The following GRIN2D variants were observed in gnomAD, a reference collection of about 807,000 sequenced individuals.
GRIN2D encodes the protein glutamate ionotropic receptor NMDA type subunit 2D, also known as glutamate receptor ionotropic, NMDA 2D.
Under a neutral mutation model 103.2 loss-of-function variants are expected in GRIN2D, and 37 were observed. The observed-to-expected ratio is 0.36, with a 90% CI of 0.28 to 0.47. The LOEUF (loss-of-function observed/expected upper bound fraction) is 0.47. GRIN2D is among the 20% of genes least tolerant of loss of function. The probability of loss-of-function intolerance (pLI) is 1.00; values close to 1 mark genes in which losing one functional copy is unlikely to be tolerated. For synonymous variants in GRIN2D, 845 were observed against 885.6 expected, an observed-to-expected ratio of 0.95 and a Z score of 0.81; for missense variants, 1,557 against 1,910.6, an observed-to-expected ratio of 0.81 and a Z score of 3.45.
chr19:48,442,666 C>G lies in GRIN2D; in HGVS notation c.2740C>G (p.Pro914Ala). The change falls in exon 14 of 14, where the codon CCC becomes GCC. Residue 914 changes from proline to alanine, a missense_variant. By Grantham distance (27) the Pro-to-Ala change is conservative. Around this residue, in one of 7 missense-constraint regions of GRIN2D, gnomAD observed 632 missense variants for 572.8 expected, o/e 1.10. Transcript: ENST00000263269. The surrounding 1 kb of genome is among the most constrained non-coding windows in gnomAD (Gnocchi z 7.2). ...PPAKPPPPPQ[P>A]LPSPAYPAPR... ...CGCCAAGCCCCCGCCGCCGCCACAGCCCCTGCCCAGCCCCGCGTACCCCGC... is the reference window on the plus strand; with the variant it reads ...CGCCAAGCCCCCGCCGCCGCCACAGGCCCTGCCCAGCCCCGCGTACCCCGC... 1 of 1,425,566 alleles carries G rather than the reference C, an allele frequency of 7.0e-7. No individual in the cohort carries two copies. Among genetic ancestry groups the G allele is most frequent in the Non-Finnish European group, 9.2e-7 (1 of 1,090,858 alleles). The allele number at this position is 1,425,566 out of a possible 1,614,324, so 88.3% of individuals were successfully genotyped here. A position where few individuals can be genotyped will look rare whatever the true frequency, so the allele number is the denominator to read the frequency against.
intron 11 of GRIN2D, among the ~76,000 whole-genome samples, chr19:48,437,368 C>G (rs1330947932): frequency 6.6e-6 from 1 of 152,192 alleles, no homozygotes. Flanking sequence ...AGTCCTCCTG[C>G]CTCAGCCTCC....
At chr19:48,435,924 C>T (rs1178730305) in intron 11 of GRIN2D, among the ~76,000 whole-genome samples, 2 of 152,170 alleles carry the variant, frequency 1.3e-5, no homozygotes, top group Non-Finnish European at 2.9e-5. Flanking sequence ...CAAGGGGATA[C>T]GCGCTATGGG....
chr19:48,433,260 C>G (rs1002014799), intron 11 of GRIN2D, among the ~76,000 whole-genome samples: 43 of 151,520 alleles, frequency 2.8e-4, no homozygotes, highest in African/African-American at 1.0e-3. Context: ...CCCAGCTACT[C>G]GGGAGGCTGA....
intron 11 of GRIN2D, among the ~76,000 whole-genome samples, chr19:48,424,310 G>A (rs1333638106): frequency 1.7e-5 from 2 of 119,058 alleles, no homozygotes; most frequent in South Asian, 2.6e-4. Flanking sequence ...TCGCTCTGTT[G>A]CCCAGGCTGG....
chr19:48,422,497 G>A (rs530230823), intron 11 of GRIN2D, among the ~76,000 whole-genome samples: 1 of 152,018 alleles, frequency 6.6e-6, no homozygotes, highest in South Asian at 2.1e-4. Flanking sequence ...TGTAGTCCCA[G>A]ATACTTGGGA....
At chr19:48,411,031 T>G (rs748471806) in intron 4 of GRIN2D, among the ~76,000 whole-genome samples, 13 of 151,970 alleles carry the variant, frequency 8.6e-5, no homozygotes, top group Non-Finnish European at 1.8e-4. Flanking sequence ...ACATTTGAGC[T>G]CAGTCTTTAA....
chr19:48,400,527 G>A (rs1333998013), intron 3 of GRIN2D, among the ~76,000 whole-genome samples: 1 of 152,146 alleles, frequency 6.6e-6, no homozygotes, highest in Admixed American at 6.5e-5. Context: ...CTCAAAAGAC[G>A]TGATCCCTCG....
rs1191342860 is a variant in GRIN2D at position 48,421,912 on chromosome 19, G to T, written c.2219G>T (p.Arg740Leu). ...HSYMVRYNQP[R>L]VEEALTQLKA... ...TACATGGTGCGCTACAACCAGCCCC[G>T]CGTAGAGGAAGCGCTCACTCAGCTC... The change falls in exon 11 of 14, where the codon CGC becomes CTC. Residue 740 changes from arginine (R) to leucine (L), a missense_variant. Physicochemically the swap from Arg to Leu is moderately radical, Grantham distance 102. Around this residue, in one of 7 missense-constraint regions of GRIN2D, gnomAD observed 138 missense variants for 270.2 expected, o/e 0.51. Coordinates refer to ENST00000263269, the MANE Select transcript of GRIN2D (RefSeq NM_000836.4). This position sits in a 1 kb window ranked among gnomAD's most constrained non-coding sequence, Gnocchi z 4.8. The T allele has an allele frequency of 1.2e-6, 2 of 1,614,004 alleles. No homozygotes were observed. The highest frequency in any genetic ancestry group is 1.6e-4 in the Middle Eastern group (1 of 6,084).
chr19:48,429,936 T>G (rs1200193847), intron 11 of GRIN2D, among the ~76,000 whole-genome samples: 1 of 152,200 alleles, frequency 6.6e-6, no homozygotes, highest in East Asian at 1.9e-4. Flanking sequence ...CCTTGTTTAT[T>G]GTATCACTTT....
chr19:48,402,342 G>A (rs963432092), intron 3 of GRIN2D, among the ~76,000 whole-genome samples: 117 of 152,180 alleles, frequency 7.7e-4, no homozygotes, highest in African/African-American at 2.6e-3. Context: ...AAAGGGAAAG[G>A]ATGATTTAGG....
chr19:48,412,142 C>A (rs1321640304), intron 4 of GRIN2D, among the ~76,000 whole-genome samples: 1 of 151,456 alleles, frequency 6.6e-6, no homozygotes, highest in Non-Finnish European at 1.5e-5. Flanking sequence ...CTGGCTAACA[C>A]GGTGAAACCC....
intron 3 of GRIN2D, among the ~76,000 whole-genome samples, chr19:48,404,422 G>A (rs763684737): frequency 6.6e-6 from 1 of 152,096 alleles, no homozygotes; most frequent in Non-Finnish European, 1.5e-5. Flanking sequence ...GAACCCAGGA[G>A]GCGGAGGTTG....
At chr19:48,404,700 C>A (rs772300429) in intron 3 of GRIN2D, 34 bp from the exon 4 acceptor site, 4 of 1,549,784 alleles carry the variant, frequency 2.6e-6, no homozygotes, top group Non-Finnish European at 3.5e-6. Flanking sequence ...GTCCCCACAT[C>A]GGCAGGCCTG....
intron 3 of GRIN2D, among the ~76,000 whole-genome samples, chr19:48,402,033 G>A (rs976122869): frequency 6.6e-6 from 1 of 152,064 alleles, no homozygotes; most frequent in Non-Finnish European, 1.5e-5. Flanking sequence ...TCAGGAGGTG[G>A]AGGTTGCAGT....
In GRIN2D at chr19:48,419,398, C is replaced by T. The variant is rs371876072; in HGVS notation, c.1861+39C>T. On this transcript the variant is annotated intron_variant, in intron 9 of 13. Coordinates refer to ENST00000263269, the MANE Select transcript of GRIN2D (RefSeq NM_000836.4). ...CCTCCATCCCCCGCCTCGGAGATCC[C>T]GAACCACAGAGACAGAGAACTACAT... 4.6e-5 allele frequency: 72 copies of T among 1,580,140 alleles called. 1 individual carries two copies. In the South Asian group the frequency reaches 7.1e-4, roughly 15 times the overall value.
intron 3 of GRIN2D, among the ~76,000 whole-genome samples, chr19:48,401,644 G>A (rs1970711670): frequency 2.6e-5 from 4 of 152,222 alleles, no homozygotes; most frequent in Admixed American, 2.6e-4. Context: ...AGCAACGGGG[G>A]CCAGTTCACG....
Position 48,443,814 on chromosome 19 carries a change from G to A in GRIN2D, c.3888G>A (p.Arg1296=). The A allele has an allele frequency of 6.8e-7, 1 of 1,480,198 alleles. No individual in the cohort carries two copies. The highest frequency in any genetic ancestry group is 8.9e-7 in the Non-Finnish European group (1 of 1,123,746). The allele number at this position is 1,480,198 out of a possible 1,614,324, so 91.7% of individuals were successfully genotyped here. A position where few individuals can be genotyped will look rare whatever the true frequency, so the allele number is the denominator to read the frequency against. Residue 1296 remains arginine (R), a synonymous_variant, in exon 14 of 14, where the codon AGG becomes AGA. Coordinates refer to ENST00000263269, the MANE Select transcript of GRIN2D (RefSeq NM_000836.4). The surrounding 1 kb of genome is among the most constrained non-coding windows in gnomAD (Gnocchi z 8.9). The part of the protein sequence containing the change: ...RLTGPSRHAR[R]CPHAAHWGPP... ...CCGGGCCCTCCCGCCACGCTCGCAGGTGTCCGCACGCCGCGCACTGGGGGC... is the reference window on the plus strand; with the variant it reads ...CCGGGCCCTCCCGCCACGCTCGCAGATGTCCGCACGCCGCGCACTGGGGGC...
At chr19:48,410,875 C>T (rs533414650) in intron 4 of GRIN2D, among the ~76,000 whole-genome samples, 14 of 152,078 alleles carry the variant, frequency 9.2e-5, no homozygotes, top group African/African-American at 2.2e-4. Flanking sequence ...GGGAGGAAGG[C>T]GGCTAAGAGT....
chr19:48,398,857 G>A lies in GRIN2D; in HGVS notation c.465G>A (p.Lys155=). ...HGGAALVLTP[K]EKGSTFLQLG... The stretch of plus-strand genomic sequence containing the variant: ...GCGCCGCGCTCGTGCTCACGCCCAA[G>A]GTGCGCGCGACCGGGGCGGGGCGGG... The change falls in exon 3 of 14, where the codon AAG becomes AAA. Residue 155 remains lysine, a splice_region_variant and synonymous_variant. Coordinates refer to ENST00000263269, the MANE Select transcript of GRIN2D (RefSeq NM_000836.4). 7.5e-7 allele frequency: 1 copy of A among 1,332,638 alleles called. No homozygotes were observed. Among genetic ancestry groups the A allele is most frequent in the Non-Finnish European group, 9.6e-7 (1 of 1,044,238 alleles). The allele number at this position is 1,332,638 out of a possible 1,614,324, so 82.6% of individuals were successfully genotyped here.
Sources: allele counts gnomAD v4.1 joint callset (sites outside exome capture counted in the v4.1 genomes callset), GRCh38; gene constraint gnomAD v4.1.1; regional missense constraint gnomAD v4.1.1; non-coding constraint Gnocchi (gnomAD v3.1); transcripts MANE v1.5; gene names NCBI Gene and HGNC (gene_info 2026-07-23, HGNC 2026-07-21).